The following DZANK1 variants were observed in gnomAD, a reference collection of about 807,000 sequenced individuals.
DZANK1 encodes double zinc ribbon and ankyrin repeat-containing protein 1.
DZANK1 carries 91 observed loss-of-function variants against 94.5 expected under a neutral mutation model. The ratio of observed to expected loss-of-function variants is 0.96; its 90% confidence interval spans 0.81 to 1.15. The LOEUF is 1.15. Ranked by LOEUF, DZANK1 falls within the 50% of genes most tolerant of loss-of-function variation. DZANK1 has a pLI of 0.00. For missense variants in DZANK1, 903 were observed against 916.4 expected (o/e 0.99, Z 0.19); for synonymous variants, 312 against 325.3 (o/e 0.96, Z 0.44).
chr20:18,464,667 C>CTTTTTT (rs1167738427), intron 2 of DZANK1, among the ~76,000 whole-genome samples: 3 of 77,826 alleles, frequency 3.9e-5, no homozygotes, highest in African/African-American at 5.3e-5. Context: ...AGCACCGGGA[C>CTTTTTT]TTTTTTTTTT....
chr20:18,465,320 T>C, exon 2 of DZANK1: 2 of 1,610,592 alleles, frequency 1.2e-6, no homozygotes, highest in Non-Finnish European at 1.7e-6. Context: ...GCACTCGTAA[T>C]GGTATGATCT....
exon 19 of DZANK1, chr20:18,389,824 G>T: frequency 6.2e-7 from 1 of 1,613,876 alleles, no homozygotes; most frequent in Non-Finnish European, 8.5e-7. Flanking sequence ...GTTGGGGTCT[G>T]CTCCCTGCAG....
intron 18 of DZANK1, among the ~76,000 whole-genome samples, chr20:18,390,155 C>T (rs543177133): frequency 1.3e-5 from 2 of 152,350 alleles, no homozygotes; most frequent in African/African-American, 4.8e-5. Context: ...ATGCATGTTC[C>T]TTGGTCTCAT....
intron 10 of DZANK1, among the ~76,000 whole-genome samples, chr20:18,422,962 A>G (rs112339995): frequency 2.0e-5 from 3 of 152,202 alleles, no homozygotes; most frequent in African/African-American, 7.2e-5. Flanking sequence ...GGACTTTTTA[A>G]CAATATTAAT....
At chr20:18,419,311 T>C (rs1214167358) in intron 10 of DZANK1, among the ~76,000 whole-genome samples, 1 of 148,278 alleles carries the variant, frequency 6.7e-6, no homozygotes. Flanking sequence ...TTAGATAATA[T>C]CAAACAATTC....
At chr20:18,420,858 GA>G (rs1309606316) in intron 10 of DZANK1, 2 of 155,954 alleles carry the variant, frequency 1.3e-5, no homozygotes, top group Admixed American at 6.4e-5. Flanking sequence ...TCATGCAGTT[GA>G]GGTCAGCCAG....
At chr20:18,392,514 G>A (rs1482997014) in intron 17 of DZANK1, among the ~76,000 whole-genome samples, 1 of 152,198 alleles carries the variant, frequency 6.6e-6, no homozygotes, top group Non-Finnish European at 1.5e-5. Flanking sequence ...TGTCCAGCTC[G>A]GACCCGGGCC....
chr20:18,459,768 C>T (rs2059411885), intron 3 of DZANK1, among the ~76,000 whole-genome samples: 3 of 152,138 alleles, frequency 2.0e-5, no homozygotes, highest in East Asian at 1.9e-4. Context: ...AGAATGACGG[C>T]GGTGGTTGTA....
At chr20:18,429,321 C>G (rs1285310762) in intron 9 of DZANK1, among the ~76,000 whole-genome samples, 1 of 152,212 alleles carries the variant, frequency 6.6e-6, no homozygotes, top group African/African-American at 2.4e-5. Context: ...CCTTGCAGGG[C>G]TCATAATCCA....
chr20:18,409,868 G>T (rs1258296867), intron 13 of DZANK1, among the ~76,000 whole-genome samples: 1 of 152,028 alleles, frequency 6.6e-6, no homozygotes, highest in African/African-American at 2.4e-5. Flanking sequence ...AGGCGATCGA[G>T]ACTATTCTGG....
rs910101559 is a variant in DZANK1 at position 18,394,374 on chromosome 20, A to G, written c.1612-24T>C. On this transcript the variant is annotated intron_variant, in intron 15 of 20. Coordinates refer to ENST00000262547, the Ensembl canonical transcript of DZANK1. ...TTCTGGCCAATGAAAACATTTAAAC[A>G]CCATGAATGATGAGGCTGCTTTGTC... The G allele has an allele frequency of 1.9e-6, 3 of 1,603,942 alleles. No homozygotes were observed. The African/African-American group carries it at 4.0e-5, about 21-fold the overall frequency.
intron 8 of DZANK1, among the ~76,000 whole-genome samples, chr20:18,440,700 A>G (rs1482952413): frequency 6.6e-6 from 1 of 152,176 alleles, no homozygotes; most frequent in Non-Finnish European, 1.5e-5. Context: ...ATTTCAAGAA[A>G]ACGAAGGCTG....
At chr20:18,452,011 C>G (rs574249417) in intron 6 of DZANK1, 1 of 499,806 alleles carries the variant, frequency 2.0e-6, no homozygotes, top group South Asian at 1.5e-5. Flanking sequence ...AAACTTCTTA[C>G]GGTCAGACTA....
intron 19 of DZANK1, among the ~76,000 whole-genome samples, chr20:18,388,292 C>T (rs772320314): frequency 1.8e-4 from 27 of 152,252 alleles, no homozygotes; most frequent in African/African-American, 5.1e-4. Flanking sequence ...CAGGTATAAC[C>T]GCAGTGTCAG....
chr20:18,406,527 G>C (rs1020930222), intron 13 of DZANK1, among the ~76,000 whole-genome samples: 1 of 152,238 alleles, frequency 6.6e-6, no homozygotes, highest in Non-Finnish European at 1.5e-5. Context: ...GGGCCCCTGG[G>C]CCCAAATAAC....
At chr20:18,431,499 G>T (rs1225573324) in intron 9 of DZANK1, among the ~76,000 whole-genome samples, 3 of 152,226 alleles carry the variant, frequency 2.0e-5, no homozygotes, top group African/African-American at 7.2e-5. Flanking sequence ...GTGGCTGTCT[G>T]GGTGAGAATG....
chr20:18,460,500 C>T (rs1173208074), intron 2 of DZANK1, among the ~76,000 whole-genome samples, 194 bp from the exon 3 acceptor site: 4 of 152,098 alleles, frequency 2.6e-5, no homozygotes, highest in African/African-American at 7.2e-5. Context: ...GAGGCCGAGG[C>T]GGGCGGATCA....
intron 2 of DZANK1, among the ~76,000 whole-genome samples, chr20:18,464,712 G>A (rs2148834635): frequency 8.9e-6 from 1 of 112,694 alleles, no homozygotes; most frequent in East Asian, 2.8e-4. Flanking sequence ...GTCTTGCTCT[G>A]TTGCCTAGGC....
chr20:18,455,311 TC>T lies in DZANK1; in HGVS notation c.313del (p.Glu105AsnfsTer5). On this transcript the variant is annotated frameshift_variant, in exon 4 of 21. Transcript: ENST00000262547. LOFTEE classifies it high-confidence loss of function. ...TTCAGGAGAGACTATATTTGGTGGT[TC>T]ATAGTCTACGTGAAACACCTTTGTC... 6.2e-7 allele frequency: 1 copy of T among 1,609,690 alleles called. No individual in the cohort carries two copies. The highest frequency in any genetic ancestry group is 8.5e-7 in the Non-Finnish European group (1 of 1,177,704).
Sources: allele counts gnomAD v4.1 joint callset (sites outside exome capture counted in the v4.1 genomes callset), GRCh38; gene constraint gnomAD v4.1.1; transcripts MANE v1.5; gene names NCBI Gene and HGNC (gene_info 2026-07-23, HGNC 2026-07-21).